SEC11A: variants seen among roughly 807,000 people sequenced by gnomAD.
SEC11A encodes signal peptidase complex catalytic subunit SEC11A.
A neutral mutation model predicts 25.6 loss-of-function variants in SEC11A; 14 were observed. The observed-to-expected ratio is 0.55, with a 90% CI of 0.36 to 0.85. The LOEUF (loss-of-function observed/expected upper bound fraction) is 0.85, where lower values mean the gene tolerates loss of function less well. Among genes scored for constraint, SEC11A ranks in the 40% least tolerant of loss-of-function variants. SEC11A has a pLI of 0.01. For synonymous variants in SEC11A, 83 were observed against 76.4 expected, an observed-to-expected ratio of 1.09 and a Z score of -0.45; for missense variants, 153 against 222.9, an observed-to-expected ratio of 0.69 and a Z score of 2.00.
chr15:84,711,118 C>T (rs573884618), intron 1 of SEC11A, among the ~76,000 whole-genome samples: 2 of 151,764 alleles, frequency 1.3e-5, no homozygotes, highest in African/African-American at 4.8e-5. Context: ...GTGACTCACA[C>T]CTATATTCAA....
At chr15:84,714,160 C>T (rs1007363236) in intron 1 of SEC11A, among the ~76,000 whole-genome samples, 1 of 151,676 alleles carries the variant, frequency 6.6e-6, no homozygotes, top group African/African-American at 2.4e-5. Flanking sequence ...GAACTACAGG[C>T]GTGCGCCAAC....
intron 2 of SEC11A, among the ~76,000 whole-genome samples, chr15:84,690,426 G>A (rs1897569569): frequency 6.6e-6 from 1 of 152,094 alleles, no homozygotes; most frequent in Non-Finnish European, 1.5e-5. Context: ...TCAGCAGCAT[G>A]AAAATGGACT....
At chr15:84,671,275 T>G (rs1896976322) in intron 4 of SEC11A, 1 of 152,270 alleles carries the variant, frequency 6.6e-6, no homozygotes, top group Admixed American at 6.5e-5. Flanking sequence ...CTGTAAGCTG[T>G]GTTTGGTCCT....
At chr15:84,681,417 G>A (rs1897279947) in intron 3 of SEC11A, among the ~76,000 whole-genome samples, 1 of 151,966 alleles carries the variant, frequency 6.6e-6, no homozygotes, top group South Asian at 2.1e-4. Context: ...ATCACCTGAG[G>A]TCAGAAGTTC....
intron 5 of SEC11A, 194 bp from the exon 6 acceptor site, chr15:84,670,263 T>TG: frequency 4.5e-6 from 2 of 442,362 alleles, no homozygotes. Context: ...ATTTTCTTTT[T>TG]TTTTTTTTTT....
chr15:84,669,734 C>T lies in SEC11A; in HGVS notation c.*285G>A, dbSNP rs1338556215. The T allele has an allele frequency of 4.8e-6, 2 of 417,210 alleles. No individual in the cohort carries two copies. The highest frequency in any genetic ancestry group is 4.4e-6 in the Non-Finnish European group (1 of 228,886). The allele number at this position is 417,210 out of a possible 1,614,324, so 25.8% of individuals were successfully genotyped here. Reference sequence around the variant, plus strand: ...AAAATACAAACACTGGGGGCTTTGGCTCAACCTTTTAATATAAAAAAATTC... The same window carrying T: ...AAAATACAAACACTGGGGGCTTTGGTTCAACCTTTTAATATAAAAAAATTC... On this transcript the variant is annotated 3_prime_UTR_variant, in exon 6 of 6. Transcript: ENST00000268220.
intron 1 of SEC11A, among the ~76,000 whole-genome samples, chr15:84,693,115 G>C (rs1567039690): frequency 6.6e-6 from 1 of 152,108 alleles, no homozygotes; most frequent in African/African-American, 2.4e-5. Flanking sequence ...GAGCCACCAT[G>C]CCTGGTCACT....
chr15:84,703,372 CAAGT>C (rs1041605566), intron 1 of SEC11A, among the ~76,000 whole-genome samples: 1 of 152,118 alleles, frequency 6.6e-6, no homozygotes, highest in African/African-American at 2.4e-5. Context: ...CTTGAAGACA[CAAGT>C]AAATATGAGC....
intron 4 of SEC11A, among the ~76,000 whole-genome samples, 169 bp downstream of exon 4, chr15:84,680,544 T>C (rs1303125733): frequency 1.3e-5 from 2 of 152,190 alleles, no homozygotes; most frequent in Non-Finnish European, 2.9e-5. Context: ...GTAGTATACC[T>C]GAAATTTTAG....
At chr15:84,710,999 G>A (rs1402099982) in intron 1 of SEC11A, among the ~76,000 whole-genome samples, 4 of 151,944 alleles carry the variant, frequency 2.6e-5, no homozygotes, top group Non-Finnish European at 5.9e-5. Context: ...GAACCCGGGG[G>A]GCGGAGGTTC....
At chr15:84,715,808 T>G (rs1596088777) in intron 1 of SEC11A, among the ~76,000 whole-genome samples, 1 of 152,084 alleles carries the variant, frequency 6.6e-6, no homozygotes, top group African/African-American at 2.4e-5. Flanking sequence ...AGACACCGCT[T>G]CCCGCCCCGC....
intron 4 of SEC11A, among the ~76,000 whole-genome samples, chr15:84,675,787 T>C (rs1230516235): frequency 6.6e-6 from 1 of 152,370 alleles, no homozygotes; most frequent in East Asian, 1.9e-4. Flanking sequence ...ATCACCTTTA[T>C]TAATACTTAA....
At chr15:84,711,796 A>G (rs948041972) in intron 1 of SEC11A, among the ~76,000 whole-genome samples, 42 of 151,992 alleles carry the variant, frequency 2.8e-4, no homozygotes, top group African/African-American at 9.6e-4. Context: ...AAAAAAAAAA[A>G]AAAAAGAAGC....
intron 1 of SEC11A, among the ~76,000 whole-genome samples, chr15:84,706,734 A>C (rs1200699422): frequency 6.6e-6 from 1 of 152,238 alleles, no homozygotes; most frequent in Non-Finnish European, 1.5e-5. Flanking sequence ...AAAGGGTAGA[A>C]TCTAACAGTT....
chr15:84,704,520 T>C (rs1249276656), intron 1 of SEC11A, among the ~76,000 whole-genome samples: 2 of 152,182 alleles, frequency 1.3e-5, no homozygotes, highest in African/African-American at 4.8e-5. Context: ...GTTTAATTAA[T>C]AAAGGGTATT....
intron 5 of SEC11A, 110 bp from the exon 6 acceptor site, chr15:84,670,179 T>C: frequency 2.2e-6 from 2 of 918,898 alleles, no homozygotes; most frequent in Non-Finnish European, 3.2e-6. Context: ...ACTACCCAAT[T>C]ATTCTTTCAT....
At chr15:84,679,111 G>A (rs907422374) in intron 4 of SEC11A, 48 of 303,684 alleles carry the variant, frequency 1.6e-4, no homozygotes, top group Non-Finnish European at 2.8e-4. Context: ...AAGGAGACAA[G>A]AAGTGACTTT....
intron 4 of SEC11A, 192 bp from the exon 5 acceptor site, chr15:84,670,974 A>G: frequency 2.3e-6 from 1 of 430,048 alleles, no homozygotes; most frequent in Non-Finnish European, 4.2e-6. Flanking sequence ...CATTTTAGAG[A>G]TGAGGAAACA....
intron 1 of SEC11A, chr15:84,714,921 A>G (rs768465210): frequency 2.6e-5 from 4 of 152,358 alleles, no homozygotes; most frequent in African/African-American, 4.8e-5. Flanking sequence ...CCTCAGAGAA[A>G]TATCTGTGGC....
Sources: allele counts gnomAD v4.1 joint callset (sites outside exome capture counted in the v4.1 genomes callset), GRCh38; gene constraint gnomAD v4.1.1; transcripts MANE v1.5; gene names NCBI Gene and HGNC (gene_info 2026-07-23, HGNC 2026-07-21).